The following RELN variants were observed in gnomAD, a reference collection of about 807,000 sequenced individuals.
RELN encodes the protein reelin.
In RELN, 108 loss-of-function variants were observed where a neutral mutation model predicts 427.6. The ratio of observed to expected loss-of-function variants is 0.25; its 90% confidence interval spans 0.22 to 0.30. The LOEUF is 0.30. Among genes scored for constraint, RELN ranks in the 10% least tolerant of loss-of-function variants. The probability of loss-of-function intolerance (pLI) is 1.00; values close to 1 mark genes in which losing one functional copy is unlikely to be tolerated. For missense variants in RELN, 3,715 were observed against 4,302.8 expected (o/e 0.86, Z 3.82); for synonymous variants, 1,524 against 1,513.4 (o/e 1.01, Z -0.16).
intron 3 of RELN, among the ~76,000 whole-genome samples, chr7:103,803,444 G>A (rs1792518627): frequency 6.6e-6 from 1 of 152,018 alleles, no homozygotes. Context: ...GTCAGAGATT[G>A]GACAATTAGC....
chr7:103,478,509 A>G (rs1314286965), intron 63 of RELN, 115 bp from the exon 64 acceptor site: 1 of 690,886 alleles, frequency 1.4e-6, no homozygotes, highest in African/African-American at 1.8e-5. Flanking sequence ...TAGACGCAAT[A>G]TAGGATTTTT....
chr7:103,989,303 C>T lies in RELN; in HGVS notation c.54G>A (p.Gly18=), dbSNP rs1272611137. ...CCGCCGCGCGCGCCCTCAGCGTCGC[C>T]CCCAGCAACAGCGCTAGGAGGAAAG... ...RQTFLLALLL[G]ATLRARAAAG... is the part of the protein sequence containing the mutation. The change falls in exon 1 of 65, where the codon GGG becomes GGA. Residue 18 remains glycine, a synonymous_variant. Coordinates refer to ENST00000428762, the MANE Select transcript of RELN (RefSeq NM_005045.4). The surrounding 1 kb of genome is among the most constrained non-coding windows in gnomAD (Gnocchi z 4.9). The T allele has an allele frequency of 1.9e-6, 3 of 1,612,222 alleles. No homozygotes were observed. Among genetic ancestry groups the T allele is most frequent in the Non-Finnish European group, 2.5e-6 (3 of 1,179,660 alleles).
In RELN at chr7:103,647,627, C is replaced by T. The variant is rs183002469; in HGVS notation, c.2002+2647G>A. Reference sequence around the variant, plus strand: ...CAATATGATTAAAATGATCACACTGCCCAAAGTAATCTACAGCTTCAATGC... The same window carrying T: ...CAATATGATTAAAATGATCACACTGTCCAAAGTAATCTACAGCTTCAATGC... On this transcript the variant is annotated intron_variant, in intron 16 of 64. Transcript: ENST00000428762. Among the ~76,000 whole-genome samples, 253 of 151,708 alleles carry T rather than the reference C, an allele frequency of 1.7e-3. 1 individual carries two copies. Among genetic ancestry groups the T allele is most frequent in the African/African-American group, 5.8e-3 (242 of 41,418 alleles).
chr7:103,802,369 G>A (rs562373545), intron 3 of RELN, among the ~76,000 whole-genome samples: 3 of 152,268 alleles, frequency 2.0e-5, no homozygotes, highest in Admixed American at 6.5e-5. Context: ...TAATATGTAT[G>A]TTACTGAAAA....
At chr7:103,933,630 G>A (rs1795912960) in intron 1 of RELN, among the ~76,000 whole-genome samples, 3 of 152,056 alleles carry the variant, frequency 2.0e-5, no homozygotes, top group Non-Finnish European at 2.9e-5. Context: ...CACAAGCCCA[G>A]GTTGCCTAAG....
At chr7:103,670,539 G>GT (rs5886264) in intron 11 of RELN, among the ~76,000 whole-genome samples, 1 of 151,220 alleles carries the variant, frequency 6.6e-6, no homozygotes, top group Non-Finnish European at 1.5e-5. Flanking sequence ...TGTTTTGCGG[G>GT]TTTTTTTTTG....
Position 103,728,131 on chromosome 7 carries a change from G to A in RELN, c.733C>T (p.Pro245Ser). ...CTTACCAGTTCTCGTGGGCCATATGGTTCACAGAAGGTGACGGCATTGCCA... is the reference window on the plus strand; with the variant it reads ...CTTACCAGTTCTCGTGGGCCATATGATTCACAGAAGGTGACGGCATTGCCA... Reference protein sequence around the residue: ...MHGNAVTFCEPYGPRELITTG... With the variant: ...MHGNAVTFCESYGPRELITTG... Residue 245 changes from proline to serine, a missense_variant, in exon 7 of 65, where the codon CCA becomes TCA. Transcript: ENST00000428762. The A allele has an allele frequency of 6.2e-7, 1 of 1,613,824 alleles. No homozygotes were observed. The highest frequency in any genetic ancestry group is 8.5e-7 in the Non-Finnish European group (1 of 1,179,880).
intron 55 of RELN, 101 bp downstream of exon 55, chr7:103,497,719 C>A (rs919173516): frequency 3.5e-5 from 33 of 951,710 alleles, no homozygotes; most frequent in Non-Finnish European, 5.1e-5. Flanking sequence ...TTTCACAATT[C>A]AAACTGTGAA....
intron 51 of RELN, among the ~76,000 whole-genome samples, chr7:103,507,953 C>T (rs891999108): frequency 1.5e-4 from 23 of 152,102 alleles, no homozygotes; most frequent in Middle Eastern, 3.4e-3. Context: ...ATAAATTCCT[C>T]GACACATACA....
intron 3 of RELN, among the ~76,000 whole-genome samples, chr7:103,831,486 C>T (rs749160315): frequency 2.6e-5 from 4 of 152,096 alleles, no homozygotes; most frequent in African/African-American, 4.8e-5. Flanking sequence ...ATATAATCAG[C>T]TCTACAATAG....
At chr7:103,822,046 A>G (rs1793027807) in intron 3 of RELN, among the ~76,000 whole-genome samples, 1 of 152,084 alleles carries the variant, frequency 6.6e-6, no homozygotes, top group East Asian at 1.9e-4. Flanking sequence ...ATTTCATTTA[A>G]TATTTATTTC....
chr7:103,616,804 T>C (rs1053302166), intron 20 of RELN, among the ~76,000 whole-genome samples: 2 of 152,220 alleles, frequency 1.3e-5, no homozygotes, highest in African/African-American at 4.8e-5. Context: ...TCTTCAATTA[T>C]AAAAATTTGG....
intron 3 of RELN, among the ~76,000 whole-genome samples, chr7:103,822,243 A>C (rs1291730101): frequency 6.6e-6 from 1 of 151,986 alleles, no homozygotes; most frequent in East Asian, 1.9e-4. Flanking sequence ...TAACCTTCTA[A>C]ATTTTTTATT....
chr7:103,567,478 G>A (rs980609060), intron 31 of RELN, among the ~76,000 whole-genome samples: 4 of 152,162 alleles, frequency 2.6e-5, no homozygotes, highest in South Asian at 2.1e-4. Flanking sequence ...CAGAGAAAGC[G>A]CAATGTTGAA....
intron 6 of RELN, among the ~76,000 whole-genome samples, chr7:103,736,133 C>T (rs946385025): frequency 3.9e-5 from 6 of 152,086 alleles, no homozygotes; most frequent in African/African-American, 7.2e-5. Context: ...CAGACCTTGC[C>T]GGCCATTTGG....
At chr7:103,487,681 A>G (rs1051988559) in intron 60 of RELN, among the ~76,000 whole-genome samples, 2 of 152,226 alleles carry the variant, frequency 1.3e-5, no homozygotes, top group Non-Finnish European at 2.9e-5. Context: ...GGTGGGTCTC[A>G]GTAGTGAACT....
At chr7:103,475,925 A>C (rs1828016153) in intron 64 of RELN, among the ~76,000 whole-genome samples, 1 of 151,936 alleles carries the variant, frequency 6.6e-6, no homozygotes, top group African/African-American at 2.4e-5. Context: ...TATATTTCTA[A>C]TTTTTTTGGT....
chr7:103,533,748 G>A (rs1829991010), intron 46 of RELN, among the ~76,000 whole-genome samples: 1 of 144,196 alleles, frequency 6.9e-6, no homozygotes, highest in African/African-American at 2.8e-5. Flanking sequence ...TAAAAGATGA[G>A]AAATAATTAC....
At chr7:103,730,277 A>G (rs1176668565) in intron 6 of RELN, among the ~76,000 whole-genome samples, 2 of 152,086 alleles carry the variant, frequency 1.3e-5, no homozygotes, top group Non-Finnish European at 2.9e-5. Flanking sequence ...CAGTTTCCAA[A>G]TCAACTATTT....
Sources: gnomAD v4.1 joint callset for allele counts (sites outside exome capture counted in the v4.1 genomes callset) on GRCh38, gnomAD v4.1.1 for gene constraint, Gnocchi (gnomAD v3.1) non-coding constraint, MANE v1.5 for transcripts, NCBI Gene and HGNC (gene_info 2026-07-23, HGNC 2026-07-21) for gene names.